The following C12orf56 variants were observed in gnomAD, a reference collection of about 807,000 sequenced individuals.
The protein encoded by C12orf56 is chromosome 12 open reading frame 56, also known as uncharacterized protein C12orf56.
A neutral mutation model predicts 69.9 loss-of-function variants in C12orf56; 71 were observed. The observed-to-expected ratio is 1.02, with a 90% confidence interval of 0.84 to 1.24. The LOEUF (loss-of-function observed/expected upper bound fraction) is 1.24, where lower values mean the gene tolerates loss of function less well. Ranked by LOEUF, C12orf56 falls within the 50% of genes most tolerant of loss-of-function variation. The probability of loss-of-function intolerance (pLI) is 0.00; values close to 1 mark genes in which losing one functional copy is unlikely to be tolerated. For missense variants in C12orf56, 732 were observed against 738.5 expected (o/e 0.99, Z 0.10); for synonymous variants, 276 against 274.1 (o/e 1.01, Z -0.07).
chr12:64,368,463 G>A (rs1260510895), intron 1 of C12orf56, among the ~76,000 whole-genome samples: 1 of 151,918 alleles, frequency 6.6e-6, no homozygotes, highest in Non-Finnish European at 1.5e-5. Flanking sequence ...AAGAGAGATT[G>A]AAACATGAAA....
At chr12:64,303,923 C>A in intron 5 of C12orf56, 144 bp from the exon 6 acceptor site, 2 of 978,484 alleles carry the variant, frequency 2.0e-6, no homozygotes, top group Non-Finnish European at 2.9e-6. Flanking sequence ...TTAATACTCA[C>A]CAGTAGTGAA....
intron 4 of C12orf56, 101 bp downstream of exon 4, chr12:64,318,473 TA>T: frequency 2.9e-6 from 3 of 1,046,554 alleles, no homozygotes; most frequent in Non-Finnish European, 4.0e-6. Flanking sequence ...ATTCCAAGGC[TA>T]AATTTCCAAA....
intron 1 of C12orf56, among the ~76,000 whole-genome samples, chr12:64,367,714 G>C (rs1448956450): frequency 6.6e-6 from 1 of 150,898 alleles, no homozygotes; most frequent in Non-Finnish European, 1.5e-5. Flanking sequence ...ATGTTGGCCA[G>C]GCTGGCCTTG....
At chr12:64,308,923 AGAAAGAAAGAAAGAAAGAAG>A (rs1565748782) in intron 5 of C12orf56, among the ~76,000 whole-genome samples, 2 of 66,844 alleles carry the variant, frequency 3.0e-5, no homozygotes, top group African/African-American at 1.2e-4. Flanking sequence ...AAAGAAAGAA[AGAAAGAAAGAAAGAAAGAAG>A]AAAGAAAGAA....
intron 2 of C12orf56, among the ~76,000 whole-genome samples, chr12:64,351,243 C>T (rs541550867): frequency 6.6e-6 from 1 of 152,286 alleles, no homozygotes; most frequent in Admixed American, 6.5e-5. Context: ...CACAAGACAT[C>T]CTTTTCTCTC....
At chr12:64,286,846 GGCTGGGAATGCCA>G (rs1407929574) in intron 6 of C12orf56, among the ~76,000 whole-genome samples, 6 of 152,122 alleles carry the variant, frequency 3.9e-5, no homozygotes, top group South Asian at 2.1e-4. Context: ...CATGAGAAGA[GGCTGGGAATGCCA>G]GCTGGGAATG....
intron 3 of C12orf56, among the ~76,000 whole-genome samples, chr12:64,319,690 C>G (rs1032220961): frequency 6.6e-6 from 1 of 152,214 alleles, no homozygotes; most frequent in African/African-American, 2.4e-5. Context: ...TGCAACTTAG[C>G]TCACACCCAA....
At chr12:64,271,575 A>G (rs892823735) in intron 11 of C12orf56, among the ~76,000 whole-genome samples, 3 of 152,228 alleles carry the variant, frequency 2.0e-5, no homozygotes, top group Admixed American at 1.3e-4. Context: ...AATTAGTATC[A>G]GTAAAAATGT....
At chr12:64,386,472 C>T (rs2039792560) in intron 1 of C12orf56, among the ~76,000 whole-genome samples, 1 of 151,576 alleles carries the variant, frequency 6.6e-6, no homozygotes, top group Middle Eastern at 3.4e-3. Flanking sequence ...TCTTGGCTCA[C>T]CGCAACCTCC....
intron 1 of C12orf56, among the ~76,000 whole-genome samples, chr12:64,384,013 G>C (rs796586636): frequency 1.2e-4 from 18 of 152,324 alleles, no homozygotes; most frequent in African/African-American, 4.3e-4. Context: ...ATAACAACTA[G>C]CATTGATTGC....
intron 1 of C12orf56, among the ~76,000 whole-genome samples, chr12:64,365,094 T>G (rs1309852277): frequency 2.0e-5 from 3 of 152,076 alleles, no homozygotes; most frequent in Non-Finnish European, 4.4e-5. Context: ...TTACATGATC[T>G]TTTATGTGCT....
intron 5 of C12orf56, among the ~76,000 whole-genome samples, chr12:64,304,574 T>C (rs1315898882): frequency 1.3e-5 from 2 of 152,316 alleles, no homozygotes; most frequent in African/African-American, 4.8e-5. Flanking sequence ...ATTTCACTCA[T>C]TGTAGTTAGT....
At chr12:64,313,494 C>T (rs1028537401) in intron 4 of C12orf56, among the ~76,000 whole-genome samples, 1 of 151,790 alleles carries the variant, frequency 6.6e-6, no homozygotes, top group Non-Finnish European at 1.5e-5. Context: ...CTGCAGTGAG[C>T]TATGATTGTG....
At chr12:64,308,935 AGAAAGAAGAAAG>A (rs1477633316) in intron 5 of C12orf56, among the ~76,000 whole-genome samples, 459 of 38,512 alleles carry the variant, frequency 0.012, 10 homozygotes, top group East Asian at 0.078. Flanking sequence ...AAAGAAAGAA[AGAAAGAAGAAAG>A]AAAGAAAGAA....
chr12:64,361,924 G>A (rs1358493222), intron 1 of C12orf56, among the ~76,000 whole-genome samples: 1 of 152,056 alleles, frequency 6.6e-6, no homozygotes, highest in African/African-American at 2.4e-5. Flanking sequence ...TAGAGATGGG[G>A]TTTCTCCATG....
At chr12:64,295,620 G>A (rs183564053) in intron 6 of C12orf56, among the ~76,000 whole-genome samples, 1 of 152,022 alleles carries the variant, frequency 6.6e-6, no homozygotes, top group Non-Finnish European at 1.5e-5. Context: ...GCAGTGAGCG[G>A]AGATGGTGCC....
At chr12:64,387,863 A>G (rs1413455100) in intron 1 of C12orf56, among the ~76,000 whole-genome samples, 1 of 152,234 alleles carries the variant, frequency 6.6e-6, no homozygotes, top group Non-Finnish European at 1.5e-5. Flanking sequence ...CACTATTGAC[A>G]TAAATAAATG....
chr12:64,379,549 G>C (rs979144064), intron 1 of C12orf56, among the ~76,000 whole-genome samples: 1 of 151,598 alleles, frequency 6.6e-6, no homozygotes, highest in Non-Finnish European at 1.5e-5. Flanking sequence ...GCCTCCCAAA[G>C]TGCTGGGATT....
chr12:64,286,223 C>T lies in C12orf56; in HGVS notation c.1114-163G>A, dbSNP rs1345156422. The T allele has an allele frequency of 7.1e-6, 4 of 566,324 alleles. No homozygotes were observed. In the East Asian group the frequency reaches 1.2e-4, roughly 17 times the overall value. The allele number at this position is 566,324 out of a possible 1,614,324, so 35.1% of individuals were successfully genotyped here. ...TAGCATAACCCAAATTGGAAACATACTTCTTACTTACACCCAAGAGACCAC... is the reference window on the plus strand; with the variant it reads ...TAGCATAACCCAAATTGGAAACATATTTCTTACTTACACCCAAGAGACCAC... On this transcript the variant is annotated intron_variant, in intron 6 of 12. Coordinates refer to ENST00000543942, the MANE Select transcript of C12orf56 (RefSeq NM_001170633.2).
Sources: allele counts gnomAD v4.1 joint callset (sites outside exome capture counted in the v4.1 genomes callset), GRCh38; gene constraint gnomAD v4.1.1; transcripts MANE v1.5; gene names NCBI Gene and HGNC (gene_info 2026-07-23, HGNC 2026-07-21).